DNA2: variants seen among roughly 807,000 people sequenced by gnomAD.
DNA2 encodes DNA replication ATP-dependent helicase/nuclease DNA2.
DNA2 carries 101 observed loss-of-function variants against 119.1 expected under a neutral mutation model. That is an observed-to-expected ratio of 0.85 (90% confidence interval 0.72 to 1.00). The LOEUF is 1.00. Among genes scored for constraint, DNA2 ranks in the 50% least tolerant of loss-of-function variants. DNA2 has a pLI of 0.00. For synonymous variants in DNA2, 366 were observed against 424.4 expected (o/e 0.86, Z 1.69); for missense variants, 1,121 against 1,255.5 (o/e 0.89, Z 1.62).
rs544251600 is a variant in DNA2 at position 68,457,258 on chromosome 10, T to A, written c.719+1846A>T. On this transcript the variant is annotated intron_variant, in intron 5 of 20. Coordinates refer to ENST00000358410, the MANE Select transcript of DNA2 (RefSeq NM_001080449.3). ...GGAACTACTGCTGCTCTTCTCCTAC[T>A]GCACTTTGCTCTAGCCATCACACTA... is the stretch of plus-strand genomic sequence containing the variant. 3.9e-5 allele frequency among the ~76,000 whole-genome samples: 6 copies of A among 152,320 alleles called. No individual in the cohort carries two copies. In the South Asian group the frequency reaches 1.2e-3, roughly 32 times the overall value.
chr10:68,425,471 G>A (rs140072506), intron 14 of DNA2, among the ~76,000 whole-genome samples: 4,032 of 149,320 alleles, frequency 0.027, 165 homozygotes, highest in African/African-American at 0.094. Flanking sequence ...CGGCGATCTC[G>A]GCTCACCGCA....
intron 1 of DNA2, chr10:68,470,606 C>A: frequency 2.2e-6 from 1 of 452,772 alleles, no homozygotes; most frequent in Non-Finnish European, 4.4e-6. Flanking sequence ...AGAAAAAGAC[C>A]CCGGTTCTGG....
chr10:68,463,207 G>A (rs535441428), intron 4 of DNA2, among the ~76,000 whole-genome samples: 1 of 152,090 alleles, frequency 6.6e-6, no homozygotes, highest in Non-Finnish European at 1.5e-5. Context: ...CACTTTGGGA[G>A]GCCGAAGCGG....
At chr10:68,420,262 G>A (rs991230861) in intron 17 of DNA2, among the ~76,000 whole-genome samples, 1 of 152,226 alleles carries the variant, frequency 6.6e-6, no homozygotes, top group African/African-American at 2.4e-5. Flanking sequence ...AGGGTGGCCG[G>A]GCGCGGTGGC....
intron 17 of DNA2, among the ~76,000 whole-genome samples, 154 bp downstream of exon 17, chr10:68,422,071 G>C (rs187181536): frequency 1.3e-5 from 2 of 151,996 alleles, no homozygotes; most frequent in Admixed American, 6.6e-5. Context: ...CCTTGGCCTC[G>C]CAAAGTGCTG....
At position 68,426,145 on chromosome 10, in the gene DNA2, A is replaced by G. The variant is rs577241831; in HGVS notation, c.2209-3255T>C. ...AGGAAGATTCTGTCTCAAAAAAGAA[A>G]ACCTTCAGCATCTGGGGCTAGACAG... On this transcript the variant is annotated intron_variant, in intron 14 of 20. Transcript: ENST00000358410. 1.2e-3 allele frequency among the ~76,000 whole-genome samples: 178 copies of G among 152,120 alleles called. 1 individual carries two copies. Among genetic ancestry groups the G allele is most frequent in the African/African-American group, 4.1e-3 (170 of 41,490 alleles).
At chr10:68,427,903 C>A (rs780475227) in intron 14 of DNA2, among the ~76,000 whole-genome samples, 1 of 150,146 alleles carries the variant, frequency 6.7e-6, no homozygotes, top group Non-Finnish European at 1.5e-5. Flanking sequence ...CGTGGTGGCG[C>A]ATGCCTGTAA....
chr10:68,449,820 G>A lies in DNA2; in HGVS notation c.939+208C>T, dbSNP rs183757496. On this transcript the variant is annotated intron_variant, in intron 6 of 20. Coordinates refer to ENST00000358410, the MANE Select transcript of DNA2 (RefSeq NM_001080449.3). ...CCCAGCTACTCAGGAGGCTGAGGCAGGAGAATCGCTTGAACCCGAGAGGCA... is the reference window on the plus strand; with the variant it reads ...CCCAGCTACTCAGGAGGCTGAGGCAAGAGAATCGCTTGAACCCGAGAGGCA... 2.8e-3 allele frequency among the ~76,000 whole-genome samples: 420 copies of A among 148,978 alleles called. 2 individuals carry two copies. Among genetic ancestry groups the A allele is most frequent in the African/African-American group, 9.6e-3 (397 of 41,340 alleles).
In DNA2 at chr10:68,419,989, T is replaced by G. The variant is rs7897488; in HGVS notation, c.2698-97A>C. On this transcript the variant is annotated intron_variant, in intron 17 of 20. Transcript: ENST00000358410. Reference sequence around the variant, plus strand: ...AAAGACTATACTACCGACTTGGAGATGAAAAATAGCTTTGTCTAAAAGATG... The same window carrying G: ...AAAGACTATACTACCGACTTGGAGAGGAAAAATAGCTTTGTCTAAAAGATG... The G allele has an allele frequency of 0.13, 112,897 of 887,694 alleles. 8,748 individuals are homozygous for G. Among genetic ancestry groups the G allele is most frequent in the South Asian group, 0.24 (15,068 of 63,446 alleles). 55.0% of individuals were successfully genotyped at this position (887,694 alleles called of 1,614,324 possible).
At chr10:68,464,572 G>A (rs976200451) in intron 4 of DNA2, among the ~76,000 whole-genome samples, 5 of 151,736 alleles carry the variant, frequency 3.3e-5, no homozygotes, top group African/African-American at 9.7e-5. Context: ...AGTGGCTCAC[G>A]CCTGTAATCC....
At chr10:68,431,031 T>G (rs1006579956) in intron 13 of DNA2, among the ~76,000 whole-genome samples, 4 of 151,940 alleles carry the variant, frequency 2.6e-5, no homozygotes, top group African/African-American at 9.7e-5. Flanking sequence ...TCCCAGCTAC[T>G]TGGGAGGCTT....
At chr10:68,416,319 AGCTGG>A (rs1358441886) in intron 20 of DNA2, among the ~76,000 whole-genome samples, 5 of 152,000 alleles carry the variant, frequency 3.3e-5, no homozygotes, top group Admixed American at 1.3e-4. Context: ...TACAAAAATT[AGCTGG>A]GCATGGTGGA....
intron 10 of DNA2, among the ~76,000 whole-genome samples, chr10:68,435,624 T>A (rs893495795): frequency 6.6e-6 from 1 of 151,742 alleles, no homozygotes; most frequent in Middle Eastern, 3.2e-3. Flanking sequence ...TGCCCAGCTA[T>A]TTTTTTGTAT....
intron 9 of DNA2, among the ~76,000 whole-genome samples, chr10:68,439,085 G>A (rs1185355700): frequency 6.7e-6 from 1 of 149,266 alleles, no homozygotes; most frequent in African/African-American, 2.5e-5. Flanking sequence ...ACTAAAACAA[G>A]TTACGTTTTA....
Position 68,415,144 on chromosome 10 carries a change from T to C in DNA2, c.3115-37A>G, listed in dbSNP as rs1381999058. ...TAAGGAAGAAATATTTAGCACAATA[T>C]GGAATGGCATAAATTTATGACATTA... On this transcript the variant is annotated intron_variant, in intron 20 of 20. Coordinates refer to ENST00000358410, the MANE Select transcript of DNA2 (RefSeq NM_001080449.3). 31 of 1,264,146 alleles carry C rather than the reference T, an allele frequency of 2.5e-5. 1 individual carries two copies. The Admixed American group carries it at 5.8e-4, about 24-fold the overall frequency. The allele number at this position is 1,264,146 out of a possible 1,614,324, so 78.3% of individuals were successfully genotyped here. A position where few individuals can be genotyped will look rare whatever the true frequency, so the allele number is the denominator to read the frequency against.
At chr10:68,461,078 A>T (rs1413029930) in intron 4 of DNA2, among the ~76,000 whole-genome samples, 1 of 152,186 alleles carries the variant, frequency 6.6e-6, no homozygotes. Flanking sequence ...GTAGAAATGT[A>T]AAAGAGAAAA....
intron 4 of DNA2, among the ~76,000 whole-genome samples, chr10:68,462,883 C>T (rs1373560185): frequency 1.3e-5 from 2 of 152,160 alleles, no homozygotes; most frequent in East Asian, 3.9e-4. Context: ...AATCCCAGCA[C>T]TTTGGGAGGC....
At chr10:68,467,108 C>A (rs1218105256) in intron 3 of DNA2, among the ~76,000 whole-genome samples, 1 of 151,678 alleles carries the variant, frequency 6.6e-6, no homozygotes, top group African/African-American at 2.4e-5. Context: ...TTGAAATAGC[C>A]CAAAATACAT....
intron 14 of DNA2, among the ~76,000 whole-genome samples, chr10:68,427,680 C>T (rs1427140360): frequency 6.6e-6 from 1 of 151,042 alleles, no homozygotes; most frequent in Non-Finnish European, 1.5e-5. Flanking sequence ...CACACACACA[C>T]ATTTTAACTG....
Sources: allele counts gnomAD v4.1 joint callset (sites outside exome capture counted in the v4.1 genomes callset), GRCh38; gene constraint gnomAD v4.1.1; transcripts MANE v1.5; gene names NCBI Gene and HGNC (gene_info 2026-07-23, HGNC 2026-07-21).